GADL1: variants seen among roughly 807,000 people sequenced by gnomAD.
GADL1 encodes GAD like acidic amino acid decarboxylase 1.
In GADL1, 71 loss-of-function variants were observed where a neutral mutation model predicts 69.5. The ratio of observed to expected loss-of-function variants is 1.02; its 90% CI spans 0.84 to 1.25. GADL1 has a LOEUF of 1.25. Ranked by LOEUF, GADL1 falls within the 50% of genes most tolerant of loss-of-function variation. The pLI, the probability that GADL1 is intolerant of heterozygous loss-of-function variation, is 0.00. For synonymous variants in GADL1, 254 were observed against 214.4 expected, an observed-to-expected ratio of 1.18 and a Z score of -1.62; for missense variants, 737 against 631.8, an observed-to-expected ratio of 1.17 and a Z score of -1.79.
chr3:30,877,455 A>G (rs574240626), intron 1 of GADL1, among the ~76,000 whole-genome samples: 6 of 152,074 alleles, frequency 3.9e-5, no homozygotes, highest in African/African-American at 1.4e-4. Context: ...CCAATTTTTC[A>G]TAAGTTTTCT....
At chr3:30,867,351 TTAA>T (rs149248861) in intron 1 of GADL1, among the ~76,000 whole-genome samples, 24,746 of 149,704 alleles carry the variant, frequency 0.17, 2,127 homozygotes, top group African/African-American at 0.21. Context: ...CTCTACTCCT[TTAA>T]TAATTATGTA....
chr3:30,850,232 A>C (rs1698128755), intron 5 of GADL1, 121 bp from the exon 6 acceptor site: 1 of 665,760 alleles, frequency 1.5e-6, no homozygotes. Flanking sequence ...ATCACCGTGA[A>C]AAGCACATGA....
intron 1 of GADL1, among the ~76,000 whole-genome samples, chr3:30,869,077 T>TAAAAAACAGTC (rs1198248487): frequency 8.0e-6 from 1 of 124,298 alleles, no homozygotes; most frequent in African/African-American, 3.2e-5. Flanking sequence ...GATACAGAAG[T>TAAAAAACAGTC]AAAAAACAGT....
At chr3:30,740,899 C>CAAAT (rs1695607191) in intron 14 of GADL1, among the ~76,000 whole-genome samples, 1 of 140,446 alleles carries the variant, frequency 7.1e-6, no homozygotes, top group African/African-American at 2.8e-5. Flanking sequence ...TACAAACAAA[C>CAAAT]ATATATATAT....
intron 1 of GADL1, 129 bp downstream of exon 1, chr3:30,894,449 A>G (rs1698829918): frequency 1.1e-5 from 7 of 624,292 alleles, no homozygotes; most frequent in Non-Finnish European, 1.9e-5. Context: ...GAAGATGGGG[A>G]CTTTCTACCC....
intron 14 of GADL1, among the ~76,000 whole-genome samples, chr3:30,746,120 C>G (rs1029972945): frequency 2.0e-5 from 3 of 152,006 alleles, no homozygotes; most frequent in African/African-American, 7.3e-5. Context: ...TCCCGAGTAG[C>G]TGGGATTGCA....
At chr3:30,851,012 G>A (rs978733623) in intron 4 of GADL1, 71 bp from the exon 5 acceptor site, 20 of 899,810 alleles carry the variant, frequency 2.2e-5, no homozygotes, top group Non-Finnish European at 3.0e-5. Context: ...CCCAAGAAAT[G>A]CACAGAGTTC....
intron 14 of GADL1, among the ~76,000 whole-genome samples, chr3:30,770,224 C>T (rs988089168): frequency 6.6e-6 from 1 of 152,178 alleles, no homozygotes; most frequent in Non-Finnish European, 1.5e-5. Context: ...CTTGGGTTTG[C>T]AACTCGACTG....
intron 11 of GADL1, among the ~76,000 whole-genome samples, chr3:30,816,173 A>T (rs542720416): frequency 4.1e-4 from 63 of 152,178 alleles, no homozygotes; most frequent in Non-Finnish European, 6.3e-4. Context: ...GGAATTTGCG[A>T]TATGTACTGA....
At chr3:30,752,064 G>A (rs1313032139) in intron 14 of GADL1, among the ~76,000 whole-genome samples, 5 of 152,168 alleles carry the variant, frequency 3.3e-5, no homozygotes, top group African/African-American at 1.2e-4. Context: ...AGGCCCATGT[G>A]CTGAAACCTA....
At chr3:30,775,142 A>G (rs1696505993) in intron 14 of GADL1, among the ~76,000 whole-genome samples, 1 of 152,206 alleles carries the variant, frequency 6.6e-6, no homozygotes, top group Non-Finnish European at 1.5e-5. Context: ...GTGTTCTCAA[A>G]TAGTCTCACG....
intron 11 of GADL1, among the ~76,000 whole-genome samples, chr3:30,813,357 A>C (rs1267898253): frequency 7.1e-6 from 1 of 140,732 alleles, no homozygotes; most frequent in African/African-American, 3.0e-5. Flanking sequence ...TAGATGGATT[A>C]ATTGCATCTC....
At chr3:30,804,620 A>AC (rs1237059257) in intron 11 of GADL1, among the ~76,000 whole-genome samples, 2 of 152,100 alleles carry the variant, frequency 1.3e-5, no homozygotes, top group African/African-American at 4.8e-5. Context: ...TAGATGTCTA[A>AC]CCTGTATCCT....
intron 6 of GADL1, among the ~76,000 whole-genome samples, chr3:30,847,085 C>T (rs949983155): frequency 6.6e-6 from 1 of 152,146 alleles, no homozygotes; most frequent in Non-Finnish European, 1.5e-5. Flanking sequence ...TTTACAAACA[C>T]GGGATTTCTA....
At chr3:30,871,594 C>G (rs1043763331) in intron 1 of GADL1, among the ~76,000 whole-genome samples, 5 of 151,846 alleles carry the variant, frequency 3.3e-5, no homozygotes, top group African/African-American at 1.2e-4. Flanking sequence ...TGTGCATCAG[C>G]ACCTTTCTTG....
intron 14 of GADL1, among the ~76,000 whole-genome samples, chr3:30,752,583 G>A (rs1242129380): frequency 2.0e-5 from 3 of 152,120 alleles, no homozygotes; most frequent in East Asian, 3.9e-4. Context: ...GGAGTTATGC[G>A]AGTGTTTTTC....
intron 2 of GADL1, among the ~76,000 whole-genome samples, chr3:30,859,139 G>A (rs1195154393): frequency 1.3e-5 from 2 of 151,894 alleles, no homozygotes; most frequent in African/African-American, 2.4e-5. Context: ...GTGAAGAAAC[G>A]GAGGGAGGGA....
intron 11 of GADL1, among the ~76,000 whole-genome samples, chr3:30,815,188 G>A (rs987233257): frequency 1.3e-5 from 2 of 151,892 alleles, no homozygotes; most frequent in Admixed American, 6.6e-5. Flanking sequence ...TTGTTCCCCC[G>A]ATGCCCCAAG....
intron 14 of GADL1, among the ~76,000 whole-genome samples, chr3:30,742,282 G>GT (rs1249924547): frequency 1.7e-3 from 244 of 142,952 alleles, no homozygotes; most frequent in African/African-American, 3.8e-3. Flanking sequence ...ACATTAAGTG[G>GT]TTTTTTTTTT....
Sources: allele counts gnomAD v4.1 joint callset (sites outside exome capture counted in the v4.1 genomes callset), GRCh38; gene constraint gnomAD v4.1.1; transcripts MANE v1.5; gene names NCBI Gene and HGNC (gene_info 2026-07-23, HGNC 2026-07-21).